Variants in CEACAM21 observed in about 807,000 individuals in gnomAD.
CEACAM21 encodes CEA cell adhesion molecule 21, also known as cell adhesion molecule CEACAM21.
A neutral mutation model predicts 33.2 loss-of-function variants in CEACAM21; 38 were observed. The ratio of observed to expected loss-of-function variants is 1.14; its 90% CI spans 0.88 to 1.50. CEACAM21 has a LOEUF of 1.50. Among genes scored for constraint, CEACAM21 ranks in the 40% most tolerant of loss-of-function variants. The pLI is 0.00. For synonymous variants in CEACAM21, 156 were observed against 143.0 expected, an observed-to-expected ratio of 1.09 and a Z score of -0.65; for missense variants, 385 against 364.6, an observed-to-expected ratio of 1.06 and a Z score of -0.46.
chr19:41,585,460 A>C lies in CEACAM21; in HGVS notation c.815A>C (p.Asp272Ala), dbSNP rs1555795015. 7.4e-6 allele frequency: 12 copies of C among 1,613,816 alleles called. No homozygotes were observed. Among genetic ancestry groups the C allele is most frequent in the Non-Finnish European group, 1.0e-5 (12 of 1,179,802 alleles). Residue 272 changes from aspartate to alanine, a missense_variant, in exon 5 of 7, where the codon GAC (aspartate) becomes GCC (alanine). Transcript: ENST00000401445. ...RKTGRASDQS[D>A]FREQQPPAST... ...TTTCCTAGGGCCAGCGATCAGAGTG[A>C]CTTCAGGGAGCAGCAGCCCCCAGCC...
intron 2 of CEACAM21, among the ~76,000 whole-genome samples, chr19:41,566,642 T>C (rs1157581223): frequency 6.6e-6 from 1 of 152,234 alleles, no homozygotes; most frequent in Non-Finnish European, 1.5e-5. Flanking sequence ...TGTGTGGTTT[T>C]GGTATCATGC....
rs2070652293 is a variant in CEACAM21, at chr19:41,585,372, G to A, written c.798-71G>A. 18 of 1,505,324 alleles carry A rather than the reference G, an allele frequency of 1.2e-5. No homozygotes were observed. The South Asian group carries it at 2.0e-4, about 17-fold the overall frequency. 93.2% of individuals were successfully genotyped at this position (1,505,324 alleles called of 1,614,324 possible). On this transcript the variant is annotated intron_variant, in intron 4 of 6. Transcript: ENST00000401445. ...CCTCTTGGAAATAGGCTCCTTTCCT[G>A]GTCCCCTATTTTAACTCCAATTTGT...
upstream of CEACAM21, among the ~76,000 whole-genome samples, chr19:41,574,150 G>A (rs2042782346): frequency 6.6e-6 from 1 of 152,184 alleles, no homozygotes; most frequent in Non-Finnish European, 1.5e-5. Context: ...CCACATGCGA[G>A]ATAGTGTAGT....
At chr19:41,581,197 G>A (rs1459267003) in intron 3 of CEACAM21, among the ~76,000 whole-genome samples, 1 of 152,214 alleles carries the variant, frequency 6.6e-6, no homozygotes, top group Non-Finnish European at 1.5e-5. Context: ...TCCCACCCAG[G>A]GTGGAAAACC....
intron 5 of CEACAM21, 101 bp downstream of exon 5, chr19:41,585,596 G>A (rs2070675797): frequency 7.5e-7 from 1 of 1,336,672 alleles, no homozygotes; most frequent in Non-Finnish European, 1.1e-6. Flanking sequence ...CCCTATCCCT[G>A]GGGCTGCAAA....
chr19:41,555,833 A>G (rs1182580533), intron 1 of CEACAM21, among the ~76,000 whole-genome samples: 1 of 152,246 alleles, frequency 6.6e-6, no homozygotes, highest in African/African-American at 2.4e-5. Flanking sequence ...TTGCAAAGAA[A>G]CAAGGAGCCC....
chr19:41,555,249 C>A (rs1555785265), intron 1 of CEACAM21: 1 of 150,596 alleles, frequency 6.6e-6, no homozygotes, highest in Non-Finnish European at 1.5e-5. Flanking sequence ...CTTCACTCAT[C>A]TACTCCTTTC....
exon 1 of CEACAM21, chr19:41,549,547 A>G (rs2041103198): frequency 6.6e-6 from 1 of 152,186 alleles, no homozygotes; most frequent in African/African-American, 2.4e-5. Context: ...GTCCTGCAGG[A>G]CACAGGTATT....
upstream of CEACAM21, among the ~76,000 whole-genome samples, chr19:41,572,471 C>T (rs746970384): frequency 2.6e-5 from 4 of 152,130 alleles, no homozygotes; most frequent in African/African-American, 4.8e-5. Flanking sequence ...CCCTGTAAGC[C>T]GGGGGAGAGC....
chr19:41,581,107 C>T (rs2043342453), intron 3 of CEACAM21, among the ~76,000 whole-genome samples: 1 of 152,242 alleles, frequency 6.6e-6, no homozygotes, highest in Non-Finnish European at 1.5e-5. Flanking sequence ...ATCTCTGCAG[C>T]ACTGTAACAT....
chr19:41,584,509 C>G, intron 4 of CEACAM21, 66 bp downstream of exon 4: 1 of 1,415,946 alleles, frequency 7.1e-7, no homozygotes, highest in Non-Finnish European at 9.8e-7. Context: ...AGGAAGGAGA[C>G]CCTGTCTTGT....
At chr19:41,583,974 A>T (rs1182057687) in intron 3 of CEACAM21, among the ~76,000 whole-genome samples, 1 of 152,144 alleles carries the variant, frequency 6.6e-6, no homozygotes, top group Non-Finnish European at 1.5e-5. Flanking sequence ...AATGAACATC[A>T]TCCCTGCTCA....
At chr19:41,582,534 C>T (rs1555793827) in intron 3 of CEACAM21, among the ~76,000 whole-genome samples, 1 of 152,240 alleles carries the variant, frequency 6.6e-6, no homozygotes, top group Non-Finnish European at 1.5e-5. Context: ...AAACTTCCAC[C>T]TGGACATCCA....
intron 1 of CEACAM21, among the ~76,000 whole-genome samples, 193 bp downstream of exon 1, chr19:41,576,531 C>A (rs1735155800): frequency 1.3e-5 from 2 of 152,358 alleles, no homozygotes; most frequent in South Asian, 4.1e-4. Flanking sequence ...TCAGTTGGTC[C>A]ATGTTTTCAA....
intron 2 of CEACAM21, among the ~76,000 whole-genome samples, chr19:41,569,348 G>A (rs1031060012): frequency 2.0e-5 from 3 of 151,958 alleles, no homozygotes; most frequent in Admixed American, 2.0e-4. Context: ...TGAGTGACTG[G>A]GACTACAGGT....
At position 41,577,515 on chromosome 19, in the gene CEACAM21, G is replaced by A. The variant is rs1555791740; in HGVS notation, c.380G>A (p.Arg127Lys). The change falls in exon 2 of 7, where the codon AGA becomes AAA. Residue 127 changes from arginine (R) to lysine (K), a missense_variant. Physicochemically the swap from Arg to Lys is conservative, Grantham distance 26. Transcript: ENST00000401445. ...TGYYNLQVTY[R>K]NSQIEQASHH... ...TACTACAACCTACAAGTCACATACA[G>A]AAATTCTCAGATTGAACAGGCATCT... 1.2e-6 allele frequency: 2 copies of A among 1,614,020 alleles called. No homozygotes were observed. Among genetic ancestry groups the A allele is most frequent in the East Asian group, 2.2e-5 (1 of 44,878 alleles).
chr19:41,575,158 A>G (rs1243346979), upstream of CEACAM21, among the ~76,000 whole-genome samples: 4 of 150,264 alleles, frequency 2.7e-5, no homozygotes, highest in African/African-American at 1.0e-4. Context: ...GATTGATAGT[A>G]TCAGAGGCTA....
chr19:41,581,571 G>C (rs1243634928), intron 3 of CEACAM21, among the ~76,000 whole-genome samples: 6 of 152,082 alleles, frequency 3.9e-5, no homozygotes, highest in African/African-American at 1.4e-4. Flanking sequence ...CCTGAGACTG[G>C]GTAATTTTTT....
At chr19:41,585,929 G>T in intron 6 of CEACAM21, 58 bp downstream of exon 6, 1 of 1,562,058 alleles carries the variant, frequency 6.4e-7, no homozygotes, top group Non-Finnish European at 8.8e-7. Flanking sequence ...GCAGGCTCAG[G>T]GCAGGGGGAC....
Sources: gnomAD v4.1 joint callset for allele counts (sites outside exome capture counted in the v4.1 genomes callset) on GRCh38, gnomAD v4.1.1 for gene constraint, MANE v1.5 for transcripts, NCBI Gene and HGNC (gene_info 2026-07-23, HGNC 2026-07-21) for gene names.